Variants in NR5A2 observed in about 807,000 individuals in gnomAD.
The protein encoded by NR5A2 is nuclear receptor subfamily 5 group A member 2.
In NR5A2, 26 loss-of-function variants were observed where a neutral mutation model predicts 62.7. That is an observed-to-expected ratio of 0.41 (90% CI 0.30 to 0.58). The LOEUF is 0.58. NR5A2 is among the 20% of genes least tolerant of loss of function. The pLI, the probability that NR5A2 is intolerant of heterozygous loss-of-function variation, is 0.22. For synonymous variants in NR5A2, 246 were observed against 241.7 expected (o/e 1.02, Z -0.16); for missense variants, 541 against 669.1 (o/e 0.81, Z 2.11).
intron 5 of NR5A2, among the ~76,000 whole-genome samples, chr1:200,091,352 C>T (rs970176580): frequency 6.6e-6 from 1 of 152,050 alleles, no homozygotes; most frequent in Non-Finnish European, 1.5e-5. Flanking sequence ...AATTTGACTG[C>T]AGCCAGAATA....
At chr1:200,082,158 C>T (rs549085153) in intron 5 of NR5A2, among the ~76,000 whole-genome samples, 25 of 152,296 alleles carry the variant, frequency 1.6e-4, no homozygotes, top group African/African-American at 6.0e-4. Context: ...ATCTATTTGA[C>T]AGGCAACTGC....
Position 200,147,752 on chromosome 1 carries a change from G to A in NR5A2, c.1379-26211G>A. 1 of 536,168 alleles carries A rather than the reference G, an allele frequency of 1.9e-6. No homozygotes were observed. The highest frequency in any genetic ancestry group is 3.5e-6 in the Non-Finnish European group (1 of 284,720). The allele number at this position is 536,168 out of a possible 1,614,324, so 33.2% of individuals were successfully genotyped here. On this transcript the variant is annotated intron_variant, in intron 7 of 7. Coordinates refer to ENST00000367362, the MANE Select transcript of NR5A2 (RefSeq NM_205860.3). The surrounding 1 kb of genome is among the most constrained non-coding windows in gnomAD (Gnocchi z 4.9). The stretch of plus-strand genomic sequence containing the variant: ...TCTCCCACGTCCACGGTGAAGACGC[G>A]GATGCCGGCGCGAATGCCGGCACGG...
chr1:200,149,226 T>G (rs1667875437), intron 7 of NR5A2, among the ~76,000 whole-genome samples: 1 of 152,202 alleles, frequency 6.6e-6, no homozygotes, highest in East Asian at 1.9e-4. Flanking sequence ...GCAGTACACT[T>G]TTAGACAGAG....
At chr1:200,061,238 G>A (rs1285596440) in intron 5 of NR5A2, among the ~76,000 whole-genome samples, 5 of 149,344 alleles carry the variant, frequency 3.3e-5, no homozygotes, top group Non-Finnish European at 5.9e-5. Flanking sequence ...ATTTGGAAAT[G>A]TCAATGTCAC....
chr1:200,038,738 C>T, intron 1 of NR5A2: 1 of 1,366,156 alleles, frequency 7.3e-7, no homozygotes, highest in Non-Finnish European at 9.8e-7. Flanking sequence ...TCTCCTTCGC[C>T]GCCACGCTCA....
At position 200,162,025 on chromosome 1, in the gene NR5A2, T is replaced by C. The variant is rs559555505; in HGVS notation, c.1379-11938T>C. Among the ~76,000 whole-genome samples, 4 of 152,308 alleles carry C rather than the reference T, an allele frequency of 2.6e-5. No individual in the cohort carries two copies. In the East Asian group the frequency reaches 7.7e-4, roughly 29 times the overall value. ...ATCCAGAAAAGCTTGCCTGGGAAGATGCAATTGCAAATATGTGGAAGATGT... is the reference window on the plus strand; with the variant it reads ...ATCCAGAAAAGCTTGCCTGGGAAGACGCAATTGCAAATATGTGGAAGATGT... On this transcript the variant is annotated intron_variant, in intron 7 of 7. Transcript: ENST00000367362.
intron 5 of NR5A2, among the ~76,000 whole-genome samples, chr1:200,106,978 T>C (rs1333197491): frequency 6.6e-6 from 1 of 152,188 alleles, no homozygotes; most frequent in Non-Finnish European, 1.5e-5. Context: ...AATGTTGGCA[T>C]AGAAAACCTC....
intron 6 of NR5A2, among the ~76,000 whole-genome samples, chr1:200,112,844 T>C (rs1053470237): frequency 1.4e-4 from 22 of 152,222 alleles, no homozygotes; most frequent in Non-Finnish European, 2.5e-4. Flanking sequence ...AGGAGCTGCA[T>C]TGGAAGTACA....
chr1:200,140,427 T>C (rs534671780), intron 7 of NR5A2, among the ~76,000 whole-genome samples: 1 of 152,324 alleles, frequency 6.6e-6, no homozygotes, highest in Non-Finnish European at 1.5e-5. Context: ...TGTCTGATAT[T>C]AAGAATGTTT....
intron 5 of NR5A2, among the ~76,000 whole-genome samples, chr1:200,059,683 C>G (rs946757746): frequency 2.0e-5 from 3 of 152,168 alleles, no homozygotes; most frequent in Non-Finnish European, 4.4e-5. Flanking sequence ...ATGTGACATC[C>G]CTCAACACAC....
intron 7 of NR5A2, among the ~76,000 whole-genome samples, chr1:200,160,822 A>G (rs950967158): frequency 1.3e-5 from 2 of 151,918 alleles, no homozygotes; most frequent in East Asian, 1.9e-4. Context: ...ATTCTCTTTC[A>G]TATGATAACG....
intron 7 of NR5A2, among the ~76,000 whole-genome samples, chr1:200,146,961 CT>C (rs34977677): frequency 0.54 from 78,672 of 146,890 alleles, 21,651 homozygotes; most frequent in Middle Eastern, 0.66. Context: ...TCCTTGTATC[CT>C]TTTTTTTTTT....
intron 6 of NR5A2, among the ~76,000 whole-genome samples, chr1:200,118,969 C>G (rs564943691): frequency 1.3e-4 from 20 of 152,182 alleles, no homozygotes; most frequent in Admixed American, 3.9e-4. Flanking sequence ...AAATTTAGTG[C>G]GTAGATGCCA....
intron 7 of NR5A2, among the ~76,000 whole-genome samples, chr1:200,121,382 C>T (rs1429986144): frequency 2.6e-5 from 4 of 152,080 alleles, no homozygotes; most frequent in Admixed American, 6.5e-5. Context: ...AAATATGAAT[C>T]GTAATTAAAA....
At chr1:200,037,450 A>G (rs570709065) in intron 1 of NR5A2, among the ~76,000 whole-genome samples, 2 of 152,258 alleles carry the variant, frequency 1.3e-5, no homozygotes, top group South Asian at 4.1e-4. Context: ...GCACCCATAA[A>G]TTCTTCGCAT....
chr1:200,041,840 C>T (rs1040126643), intron 2 of NR5A2, among the ~76,000 whole-genome samples: 1 of 152,170 alleles, frequency 6.6e-6, no homozygotes, highest in African/African-American at 2.4e-5. Context: ...GATGTCGGGT[C>T]CCCGAGGTAG....
chr1:200,034,182 G>A (rs937835315), intron 1 of NR5A2, among the ~76,000 whole-genome samples: 1 of 152,212 alleles, frequency 6.6e-6, no homozygotes, highest in Admixed American at 6.5e-5. Flanking sequence ...TGTTCAGCTA[G>A]TTTCACAAGG....
chr1:200,115,327 G>A (rs970428763), intron 6 of NR5A2, among the ~76,000 whole-genome samples: 3 of 152,062 alleles, frequency 2.0e-5, no homozygotes, highest in Non-Finnish European at 4.4e-5. Context: ...TAACTCGCCT[G>A]CCCCAGAGAC....
intron 5 of NR5A2, among the ~76,000 whole-genome samples, chr1:200,083,672 C>A (rs1246139289): frequency 1.3e-5 from 2 of 152,056 alleles, no homozygotes; most frequent in Non-Finnish European, 2.9e-5. Context: ...TATTGTATAG[C>A]AATGTACAGT....
Sources: gnomAD v4.1 joint callset for allele counts (sites outside exome capture counted in the v4.1 genomes callset) on GRCh38, gnomAD v4.1.1 for gene constraint, Gnocchi (gnomAD v3.1) non-coding constraint, MANE v1.5 for transcripts, NCBI Gene and HGNC (gene_info 2026-07-23, HGNC 2026-07-21) for gene names.